The following FCHO2 variants were observed in gnomAD, a reference collection of about 807,000 sequenced individuals.
FCHO2 encodes the protein FCH and mu domain containing endocytic adaptor 2, also known as F-BAR domain only protein 2.
A neutral mutation model predicts 114.1 loss-of-function variants in FCHO2; 43 were observed. The observed-to-expected ratio is 0.38, with a 90% CI of 0.30 to 0.49. FCHO2 has a LOEUF of 0.49. FCHO2 is among the 20% of genes least tolerant of loss of function. FCHO2 has a pLI of 0.97. For missense variants in FCHO2, 807 were observed against 950.4 expected, an observed-to-expected ratio of 0.85 and a Z score of 1.98; for synonymous variants, 293 against 315.2, an observed-to-expected ratio of 0.93 and a Z score of 0.75.
chr5:72,997,425 TC>T, intron 5 of FCHO2: 1 of 1,599,764 alleles, frequency 6.3e-7, no homozygotes, highest in South Asian at 1.1e-5. Flanking sequence ...ATCAAGGACC[TC>T]TCTTTGGTCC....
intron 19 of FCHO2, among the ~76,000 whole-genome samples, chr5:73,073,202 A>G (rs943016644): frequency 6.6e-5 from 10 of 152,058 alleles, no homozygotes; most frequent in African/African-American, 2.4e-4. Flanking sequence ...ACCTGATCCA[A>G]ACTTGATTCC....
At chr5:73,060,737 A>G (rs937201579) in intron 17 of FCHO2, among the ~76,000 whole-genome samples, 6 of 151,968 alleles carry the variant, frequency 3.9e-5, no homozygotes, top group African/African-American at 1.4e-4. Flanking sequence ...ATTTCAATCA[A>G]TCAGTTAATA....
At chr5:73,053,155 TAA>T (rs1313103623) in intron 13 of FCHO2, among the ~76,000 whole-genome samples, 12 of 152,316 alleles carry the variant, frequency 7.9e-5, no homozygotes, top group East Asian at 3.9e-4. Flanking sequence ...TGATTGACAT[TAA>T]GTCTGTTCTT....
intron 1 of FCHO2, among the ~76,000 whole-genome samples, chr5:72,966,284 T>G (rs1421203403): frequency 6.6e-6 from 1 of 152,234 alleles, no homozygotes; most frequent in Non-Finnish European, 1.5e-5. Flanking sequence ...ACTGTTACTC[T>G]TAAAAAGTTC....
intron 8 of FCHO2, among the ~76,000 whole-genome samples, chr5:73,029,409 T>A (rs1305398982): frequency 6.6e-6 from 1 of 152,192 alleles, no homozygotes; most frequent in South Asian, 2.1e-4. Context: ...ACTAAGATTC[T>A]GTGGAGAACT....
intron 8 of FCHO2, among the ~76,000 whole-genome samples, chr5:73,032,233 G>GT (rs1192732511): frequency 4.6e-5 from 7 of 152,124 alleles, no homozygotes; most frequent in Admixed American, 1.3e-4. Flanking sequence ...TGATTTAATG[G>GT]TTTTTTTAAA....
intron 8 of FCHO2, among the ~76,000 whole-genome samples, chr5:73,019,332 G>T (rs548149033): frequency 5.3e-5 from 8 of 152,240 alleles, no homozygotes; most frequent in Non-Finnish European, 1.0e-4. Context: ...GATCACCTGA[G>T]GTCAGGAGTT....
intron 5 of FCHO2, among the ~76,000 whole-genome samples, chr5:72,993,932 T>G (rs1416847206): frequency 6.6e-6 from 1 of 152,162 alleles, no homozygotes; most frequent in African/African-American, 2.4e-5. Context: ...TGGCTAGCCA[T>G]ATGCAGAAAA....
intron 6 of FCHO2, among the ~76,000 whole-genome samples, chr5:73,012,215 C>T (rs1755054223): frequency 6.6e-6 from 1 of 152,112 alleles, no homozygotes; most frequent in African/African-American, 2.4e-5. Context: ...GCTATGATGT[C>T]ACTAGGCAAT....
At chr5:73,006,385 C>T in intron 5 of FCHO2, 60 bp from the exon 6 acceptor site, 1 of 1,006,750 alleles carries the variant, frequency 9.9e-7, no homozygotes, top group Non-Finnish European at 1.4e-6. Flanking sequence ...TATTAACTTA[C>T]ATTAGGAAAG....
intron 11 of FCHO2, among the ~76,000 whole-genome samples, chr5:73,043,739 A>G (rs906313788): frequency 3.3e-5 from 5 of 152,180 alleles, no homozygotes; most frequent in Non-Finnish European, 7.3e-5. Context: ...TAAAAATAAG[A>G]TAAATATGTG....
intron 2 of FCHO2, among the ~76,000 whole-genome samples, chr5:72,985,319 G>A (rs927768150): frequency 2.0e-5 from 3 of 151,760 alleles, no homozygotes; most frequent in Non-Finnish European, 2.9e-5. Flanking sequence ...ATGCCCCCAC[G>A]CCCATCTAAT....
At chr5:72,989,347 C>T (rs1753703356) in intron 2 of FCHO2, 80 bp from the exon 3 acceptor site, 1 of 1,040,350 alleles carries the variant, frequency 9.6e-7, no homozygotes, top group Non-Finnish European at 1.4e-6. Flanking sequence ...TTGTTTTGCA[C>T]TTTTAATTGT....
chr5:72,967,006 C>A (rs1220310644), intron 1 of FCHO2, among the ~76,000 whole-genome samples: 1 of 152,200 alleles, frequency 6.6e-6, no homozygotes, highest in Non-Finnish European at 1.5e-5. Context: ...ATTAATTAGG[C>A]TGGGCATAGT....
Position 73,063,842 on chromosome 5 carries a change from C to G in FCHO2, c.1347C>G (p.Ala449=), listed in dbSNP as rs754560916. 3.3e-5 allele frequency: 53 copies of G among 1,610,978 alleles called. No homozygotes were observed. Among genetic ancestry groups the G allele is most frequent in the Non-Finnish European group, 4.1e-5 (48 of 1,178,320 alleles). Reference sequence around the variant, plus strand: ...AATTCTCTTTTCCCCCTCAACCAGCCAGGCCCACAACTCCTCTTTCTGTAG... The same window carrying G: ...AATTCTCTTTTCCCCCTCAACCAGCGAGGCCCACAACTCCTCTTTCTGTAG... ...SSSSLTSSSS[A]RPTTPLSVGT... The change falls in exon 18 of 26, where the codon GCC becomes GCG. Residue 449 remains alanine, a splice_region_variant and synonymous_variant. Transcript: ENST00000430046.
At chr5:73,035,761 C>T (rs1002436425) in intron 9 of FCHO2, among the ~76,000 whole-genome samples, 1 of 151,910 alleles carries the variant, frequency 6.6e-6, no homozygotes, top group African/African-American at 2.4e-5. Flanking sequence ...CCTTAGCCTC[C>T]AAAGTGCTAG....
intron 2 of FCHO2, among the ~76,000 whole-genome samples, chr5:72,978,734 T>C (rs1191324714): frequency 6.6e-6 from 1 of 152,214 alleles, no homozygotes; most frequent in African/African-American, 2.4e-5. Flanking sequence ...AGTATGATAT[T>C]GGCTGTGGGT....
chr5:73,052,071 A>G (rs1436990457), intron 12 of FCHO2, among the ~76,000 whole-genome samples: 1 of 151,902 alleles, frequency 6.6e-6, no homozygotes, highest in Non-Finnish European at 1.5e-5. Context: ...CCACAGGTGC[A>G]TGCCACCATG....
Position 72,989,444 on chromosome 5 carries a change from C to T in FCHO2, c.143C>T (p.Ala48Val), listed in dbSNP as rs1753707809. ...FVRERATIEEAYSRSMTKLAK... is the reference protein window; with the variant it reads ...FVRERATIEEVYSRSMTKLAK... ...TTTAACAGAGCTACCATAGAGGAGGCATACTCCAGGTCAATGACAAAACTA... is the reference window on the plus strand; with the variant it reads ...TTTAACAGAGCTACCATAGAGGAGGTATACTCCAGGTCAATGACAAAACTA... The change falls in exon 3 of 26, where the codon GCA becomes GTA. Residue 48 changes from alanine to valine, a missense_variant. Ala to Val is a moderately conservative substitution (Grantham distance 64). Transcript: ENST00000430046. 3.7e-6 allele frequency: 6 copies of T among 1,606,314 alleles called. No individual in the cohort carries two copies. The East Asian group carries it at 1.3e-4, about 36-fold the overall frequency.
Sources: allele counts gnomAD v4.1 joint callset (sites outside exome capture counted in the v4.1 genomes callset), GRCh38; gene constraint gnomAD v4.1.1; transcripts MANE v1.5; gene names NCBI Gene and HGNC (gene_info 2026-07-23, HGNC 2026-07-21).